The following COL24A1 variants were observed in gnomAD, a reference collection of about 807,000 sequenced individuals.
COL24A1 encodes collagen type XXIV alpha 1 chain.
A neutral mutation model predicts 253.9 loss-of-function variants in COL24A1; 224 were observed. That is an observed-to-expected ratio of 0.88 (90% CI 0.79 to 0.99). The LOEUF is 0.99. COL24A1 is among the 50% of genes least tolerant of loss of function. The probability of loss-of-function intolerance (pLI) is 0.00; values close to 1 mark genes in which losing one functional copy is unlikely to be tolerated. For synonymous variants in COL24A1, 685 were observed against 673.7 expected (o/e 1.02, Z -0.26); for missense variants, 2,131 against 2,068.5 (o/e 1.03, Z -0.59).
In COL24A1 at chr1:85,875,295, T is replaced by C; in HGVS notation, c.3066A>G (p.Gln1022=). 2 of 1,613,854 alleles carry C rather than the reference T, an allele frequency of 1.2e-6. No individual in the cohort carries two copies. The highest frequency in any genetic ancestry group is 1.7e-6 in the Non-Finnish European group (2 of 1,179,820). Residue 1022 remains glutamine (Q), a synonymous_variant, in exon 34 of 60, where the codon CAA becomes CAG. Transcript: ENST00000370571. ...AGGTTACCTTTGCACCTGGTTCACCTTGCAGACCAGACTCTCCCTCAGTGC... is the reference window on the plus strand; with the variant it reads ...AGGTTACCTTTGCACCTGGTTCACCCTGCAGACCAGACTCTCCCTCAGTGC... ...PPGTEGESGL[Q]GEPGAKGDVG...
intron 10 of COL24A1, among the ~76,000 whole-genome samples, chr1:86,051,721 G>A (rs1011676602): frequency 6.6e-5 from 10 of 152,002 alleles, no homozygotes; most frequent in Admixed American, 5.2e-4. Flanking sequence ...TTGGATTACA[G>A]TGGGTCACAT....
intron 53 of COL24A1, among the ~76,000 whole-genome samples, chr1:85,762,415 T>C (rs2101113920): frequency 6.6e-6 from 1 of 152,304 alleles, no homozygotes; most frequent in African/African-American, 2.4e-5. Flanking sequence ...TCCAACACTG[T>C]GCCTGCTAGA....
At chr1:85,881,824 C>A (rs1422272017) in intron 32 of COL24A1, among the ~76,000 whole-genome samples, 1 of 151,938 alleles carries the variant, frequency 6.6e-6, no homozygotes, top group East Asian at 1.9e-4. Context: ...TATTGTTTTC[C>A]TGTTTTCAAT....
At chr1:85,815,001 G>T (rs1370374596) in intron 47 of COL24A1, among the ~76,000 whole-genome samples, 2 of 152,032 alleles carry the variant, frequency 1.3e-5, no homozygotes, top group African/African-American at 4.8e-5. Context: ...AAATTCATTT[G>T]CTACTACTAG....
At chr1:86,024,344 C>T (rs1265995942) in intron 14 of COL24A1, among the ~76,000 whole-genome samples, 2 of 151,868 alleles carry the variant, frequency 1.3e-5, no homozygotes, top group Non-Finnish European at 2.9e-5. Flanking sequence ...TTTTTTATTT[C>T]CCAGACCCAA....
chr1:85,760,095 G>A (rs1235415438), intron 55 of COL24A1, among the ~76,000 whole-genome samples: 1 of 149,684 alleles, frequency 6.7e-6, no homozygotes, highest in African/African-American at 2.5e-5. Context: ...TTGTTTTTTT[G>A]AGACAGAGTC....
chr1:85,867,524 T>C (rs1385521045), intron 37 of COL24A1, among the ~76,000 whole-genome samples: 1 of 152,028 alleles, frequency 6.6e-6, no homozygotes, highest in Non-Finnish European at 1.5e-5. Context: ...TCTGGTAGGG[T>C]CAAAAGGGAT....
At chr1:85,837,448 T>C (rs921165088) in intron 43 of COL24A1, among the ~76,000 whole-genome samples, 1 of 152,192 alleles carries the variant, frequency 6.6e-6, no homozygotes, top group African/African-American at 2.4e-5. Context: ...TAAATCTGCA[T>C]TTCAGACATG....
chr1:85,907,152 A>G (rs1684914470), intron 28 of COL24A1, 42 bp downstream of exon 28: 1 of 1,491,596 alleles, frequency 6.7e-7, no homozygotes, highest in Non-Finnish European at 9.2e-7. Flanking sequence ...TTATGAAGTA[A>G]TTTTGGGGGG....
chr1:86,125,589 T>A lies in COL24A1; in HGVS notation c.747A>T (p.Gln249His), dbSNP rs758940784. The change falls in exon 3 of 60, where the codon CAA becomes CAT. Residue 249 changes from glutamine to histidine, a missense_variant. Gln to His is a conservative substitution (Grantham distance 24). Transcript: ENST00000370571. The part of the protein sequence containing the change: ...KQQCRQADKY[Q>H]PETSIPCTTL... ...TTGTACAAGGAATGCTTGTTTCAGGTTGGTATTTGTCTGCTTGGCGACACT... is the reference window on the plus strand; with the variant it reads ...TTGTACAAGGAATGCTTGTTTCAGGATGGTATTTGTCTGCTTGGCGACACT... 1.9e-6 allele frequency: 3 copies of A among 1,613,462 alleles called. No individual in the cohort carries two copies. The South Asian group carries it at 3.3e-5, about 18-fold the overall frequency.
chr1:86,076,539 T>G (rs1431932368), intron 7 of COL24A1, among the ~76,000 whole-genome samples: 1 of 152,194 alleles, frequency 6.6e-6, no homozygotes, highest in Non-Finnish European at 1.5e-5. Context: ...TAGAAAAAAC[T>G]ACTTTAAATT....
At chr1:85,745,377 A>C in intron 56 of COL24A1, 64 bp downstream of exon 56, 1 of 1,236,820 alleles carries the variant, frequency 8.1e-7, no homozygotes, top group East Asian at 2.6e-5. Flanking sequence ...GCCTCCAAAA[A>C]TTTTCTCTGT....
At chr1:86,007,305 A>G (rs1234672960) in intron 19 of COL24A1, among the ~76,000 whole-genome samples, 3 of 152,118 alleles carry the variant, frequency 2.0e-5, no homozygotes, top group Non-Finnish European at 4.4e-5. Context: ...AATGGCCAAA[A>G]TCCAGAACAC....
intron 1 of COL24A1, among the ~76,000 whole-genome samples, chr1:86,151,005 A>C (rs1250414627): frequency 6.6e-6 from 1 of 152,138 alleles, no homozygotes; most frequent in African/African-American, 2.4e-5. Context: ...ATTAAAAGAC[A>C]AAAAGCAAAT....
At chr1:85,944,996 C>CGTTT (rs1689121482) in intron 24 of COL24A1, among the ~76,000 whole-genome samples, 1 of 53,138 alleles carries the variant, frequency 1.9e-5, no homozygotes, top group African/African-American at 6.2e-5. Context: ...TCCAGTCTAT[C>CGTTT]ATTGTGTTTT....
At chr1:85,740,018 C>G (rs1028594626) in intron 57 of COL24A1, among the ~76,000 whole-genome samples, 1 of 152,266 alleles carries the variant, frequency 6.6e-6, no homozygotes, top group Non-Finnish European at 1.5e-5. Flanking sequence ...CACTTCCCTT[C>G]TTACCCAGCT....
At chr1:86,002,331 G>C (rs986958399) in intron 19 of COL24A1, among the ~76,000 whole-genome samples, 4 of 152,214 alleles carry the variant, frequency 2.6e-5, no homozygotes, top group Non-Finnish European at 4.4e-5. Flanking sequence ...ATTCTGGAGG[G>C]TGACTGTAGA....
intron 57 of COL24A1, among the ~76,000 whole-genome samples, chr1:85,742,960 G>C (rs1369414845): frequency 6.6e-6 from 1 of 151,906 alleles, no homozygotes; most frequent in African/African-American, 2.4e-5. Context: ...CACTTCCCCT[G>C]CAACCAACTC....
chr1:85,984,870 G>T (rs529635766), intron 20 of COL24A1, among the ~76,000 whole-genome samples: 1 of 151,844 alleles, frequency 6.6e-6, no homozygotes, highest in Admixed American at 6.6e-5. Context: ...CAAGTCAAAG[G>T]CTGCTTTATC....
Sources: allele counts gnomAD v4.1 joint callset (sites outside exome capture counted in the v4.1 genomes callset), GRCh38; gene constraint gnomAD v4.1.1; transcripts MANE v1.5; gene names NCBI Gene and HGNC (gene_info 2026-07-23, HGNC 2026-07-21).